The following MILR1 variants were observed in gnomAD, a reference collection of about 807,000 sequenced individuals.
MILR1 encodes the protein mast cell immunoglobulin like receptor 1.
In MILR1, 31 loss-of-function variants were observed where a neutral mutation model predicts 18.5. The observed-to-expected ratio is 1.68, with a 90% CI of 1.26 to 2.26. The LOEUF is 2.26. Among genes scored for constraint, MILR1 ranks in the 30% most tolerant of loss-of-function variants. The pLI is 0.00. For missense variants in MILR1, 257 were observed against 157.4 expected, an observed-to-expected ratio of 1.63 and a Z score of -3.38; for synonymous variants, 85 against 56.2, an observed-to-expected ratio of 1.51 and a Z score of -2.30.
chr17:64,458,178 CTTCCTTCCTTCCTTCT>C (rs1297242166), intron 4 of MILR1, among the ~76,000 whole-genome samples: 1 of 136,340 alleles, frequency 7.3e-6, no homozygotes, highest in African/African-American at 2.6e-5. Context: ...TCCTTCCCTC[CTTCCTTCCTTCCTTCT>C]TTCCTTCCTT....
In MILR1 at chr17:64,465,558, G is replaced by T; in HGVS notation, c.853+17G>T. The T allele has an allele frequency of 6.3e-7, 1 of 1,592,822 alleles. No homozygotes were observed. The highest frequency in any genetic ancestry group is 8.6e-7 in the Non-Finnish European group (1 of 1,169,542). ...AACAAGCAAGTAAGAGAACTTTGTT[G>T]CGTGTTTTGGGTGGTTTCAGGTTTT... On this transcript the variant is annotated intron_variant, in intron 6 of 9. Transcript: ENST00000619286.
the MILR1 span, chr17:64,480,362 G>T: frequency 1.3e-6 from 2 of 1,589,818 alleles, no homozygotes; most frequent in Non-Finnish European, 8.6e-7. Flanking sequence ...CCATTTTCTA[G>T]TAACTCATTA....
At chr17:64,483,361 C>CA in the MILR1 span, among the ~76,000 whole-genome samples, 3,808 of 151,728 alleles carry the variant, frequency 0.025, 167 homozygotes, top group African/African-American at 0.088. Flanking sequence ...CAAAAAAATA[C>CA]AAAAAAATTA....
At chr17:64,481,204 G>A in the MILR1 span, 1 of 849,480 alleles carries the variant, frequency 1.2e-6, no homozygotes, top group Non-Finnish European at 1.4e-6. Flanking sequence ...CAGCATCCTA[G>A]GAGCTTCCTA....
the MILR1 span, among the ~76,000 whole-genome samples, chr17:64,479,768 G>C: frequency 1.3e-5 from 2 of 152,186 alleles, no homozygotes; most frequent in Non-Finnish European, 2.9e-5. Flanking sequence ...GAAGCAAGCT[G>C]ACAGCATTTG....
chr17:64,455,777 G>A (rs932951330), intron 3 of MILR1, among the ~76,000 whole-genome samples: 3 of 151,724 alleles, frequency 2.0e-5, no homozygotes, highest in South Asian at 2.1e-4. Context: ...AGTGGCTCAC[G>A]CCTGTAATCC....
rs2037373198 is a variant in MILR1, at chr17:64,459,434, CAAAGAAA to C, written c.653-1378_653-1372del. ...TGCGTAACAGAGCGAGACCCTGTCT[CAAAGAAA>C]AAAGAAAAAGAAAAAGAAAGAAAAG... On this transcript the variant is annotated intron_variant, in intron 4 of 9. Coordinates refer to ENST00000619286, the MANE Select transcript of MILR1 (RefSeq NM_001085423.2). Among the ~76,000 whole-genome samples the C allele has an allele frequency of 2.2e-5, 3 of 133,756 alleles. No individual in the cohort carries two copies. In the South Asian group the frequency reaches 8.1e-4, roughly 36 times the overall value. The allele number at this position is 133,756 out of a possible 152,430, so 87.7% of individuals were successfully genotyped here.
At chr17:64,461,858 G>A (rs1350799328) in intron 5 of MILR1, among the ~76,000 whole-genome samples, 1 of 152,150 alleles carries the variant, frequency 6.6e-6, no homozygotes, top group African/African-American at 2.4e-5. Context: ...GGAAGTGGAA[G>A]CATTTATCCT....
downstream of MILR1, among the ~76,000 whole-genome samples, chr17:64,471,684 G>C (rs2037688767): frequency 6.6e-6 from 1 of 152,182 alleles, no homozygotes; most frequent in Admixed American, 6.5e-5. Context: ...GGGTGTGGTG[G>C]CTCACGCCTA....
chr17:64,496,132 C>T, the MILR1 span, among the ~76,000 whole-genome samples: 3 of 152,152 alleles, frequency 2.0e-5, no homozygotes, highest in Non-Finnish European at 4.4e-5. Flanking sequence ...GACTACATTG[C>T]ACTAAATGAC....
At chr17:64,472,082 C>G (rs1282813080), downstream of MILR1, among the ~76,000 whole-genome samples, 8 of 152,106 alleles carry the variant, frequency 5.3e-5, no homozygotes, top group Admixed American at 5.2e-4. Flanking sequence ...ATAGGTATGA[C>G]TCACAACCCA....
intron 3 of MILR1, among the ~76,000 whole-genome samples, chr17:64,456,157 T>G (rs2037295949): frequency 6.6e-6 from 1 of 152,110 alleles, no homozygotes; most frequent in Non-Finnish European, 1.5e-5. Context: ...TCAATCTCTC[T>G]GAAGCACAGT....
At chr17:64,465,072 C>T (rs782106423) in intron 5 of MILR1, among the ~76,000 whole-genome samples, 3 of 152,120 alleles carry the variant, frequency 2.0e-5, no homozygotes, top group Admixed American at 1.3e-4. Context: ...CCAGCCCAGG[C>T]GACAGAGCGA....
At chr17:64,481,644 G>T in the MILR1 span, among the ~76,000 whole-genome samples, 16 of 152,182 alleles carry the variant, frequency 1.1e-4, no homozygotes, top group Admixed American at 8.5e-4. Context: ...AGGCCGAGGT[G>T]GGCGGATCAC....
At chr17:64,459,233 G>C (rs2037368705) in intron 4 of MILR1, among the ~76,000 whole-genome samples, 1 of 152,128 alleles carries the variant, frequency 6.6e-6, no homozygotes, top group East Asian at 1.9e-4. Context: ...AGGAGTTTGA[G>C]ACCAGCCTGG....
At position 64,467,994 on chromosome 17, in the gene MILR1, A is replaced by G. The variant is rs577787373; in HGVS notation, c.*29-316A>G. The G allele has an allele frequency of 9.1e-4, 270 of 296,454 alleles. 1 individual carries two copies. The highest frequency in any genetic ancestry group is 5.8e-3 in the African/African-American group (256 of 43,962). The allele number at this position is 296,454 out of a possible 1,614,324, so 18.4% of individuals were successfully genotyped here. On this transcript the variant is annotated intron_variant, in intron 9 of 9. Coordinates refer to ENST00000619286, the MANE Select transcript of MILR1 (RefSeq NM_001085423.2). ...ATTCATTGATGTTCATGATTTAGCT[A>G]GCCCTCCAGATTTAGCTAATGCCAA...
At chr17:64,490,767 A>T in the MILR1 span, 2 of 1,577,710 alleles carry the variant, frequency 1.3e-6, no homozygotes, top group African/African-American at 2.7e-5. Flanking sequence ...CTGGGTAAAA[A>T]ATACATAGGA....
chr17:64,451,251 C>T (rs2037165233), intron 2 of MILR1, among the ~76,000 whole-genome samples: 1 of 151,978 alleles, frequency 6.6e-6, no homozygotes, highest in Non-Finnish European at 1.5e-5. Flanking sequence ...TCAATTGATC[C>T]TCCCACCTCA....
the MILR1 span, chr17:64,477,694 T>A: frequency 9.5e-7 from 1 of 1,053,304 alleles, no homozygotes; most frequent in African/African-American, 1.6e-5. Context: ...ATAAAAAATA[T>A]AAACACTGAA....
Sources: gnomAD v4.1 joint callset for allele counts (sites outside exome capture counted in the v4.1 genomes callset) on GRCh38, gnomAD v4.1.1 for gene constraint, MANE v1.5 for transcripts, NCBI Gene and HGNC (gene_info 2026-07-23, HGNC 2026-07-21) for gene names.